The following PTPRD variants were observed in gnomAD, a reference collection of about 807,000 sequenced individuals.
The protein encoded by PTPRD is receptor-type tyrosine-protein phosphatase delta.
PTPRD carries 34 observed loss-of-function variants against 214.5 expected under a neutral mutation model. That is an observed-to-expected ratio of 0.16 (90% CI 0.12 to 0.21). The LOEUF (loss-of-function observed/expected upper bound fraction) is 0.21. Ranked by LOEUF, PTPRD falls within the 10% of genes least tolerant of loss-of-function variation. The pLI is 1.00. For synonymous variants in PTPRD, 1,128 were observed against 845.7 expected, an observed-to-expected ratio of 1.33 and a Z score of -5.79; for missense variants, 2,545 against 2,398.7, an observed-to-expected ratio of 1.06 and a Z score of -1.27.
intron 12 of PTPRD, among the ~76,000 whole-genome samples, chr9:8,679,743 T>C (rs911474063): frequency 2.0e-5 from 3 of 152,224 alleles, no homozygotes; most frequent in African/African-American, 7.2e-5. Flanking sequence ...CAAAGAAAGC[T>C]TTGTTCTCCA....
chr9:9,215,222 C>T (rs765186644), intron 9 of PTPRD, among the ~76,000 whole-genome samples: 1 of 152,140 alleles, frequency 6.6e-6, no homozygotes, highest in Non-Finnish European at 1.5e-5. Context: ...TCATGTGTCT[C>T]TTAATTGACT....
At position 9,921,976 on chromosome 9, in the gene PTPRD, G is replaced by C. The variant is rs146510044; in HGVS notation, c.-368+16531C>G. Reference sequence around the variant, plus strand: ...CAAGTCCAAGCAGTGTCGTTGTAAAGTCATACACTTAATCCCTGTGCCATA... The same window carrying C: ...CAAGTCCAAGCAGTGTCGTTGTAAACTCATACACTTAATCCCTGTGCCATA... On this transcript the variant is annotated intron_variant, in intron 5 of 45. Coordinates refer to ENST00000381196, the MANE Select transcript of PTPRD (RefSeq NM_002839.4). Among the ~76,000 whole-genome samples the C allele has an allele frequency of 2.9e-3, 436 of 152,208 alleles. 2 individuals carry two copies. The highest frequency in any genetic ancestry group is 9.9e-3 in the African/African-American group (410 of 41,544).
At chr9:9,602,626 A>G (rs184533312) in intron 7 of PTPRD, among the ~76,000 whole-genome samples, 74 of 152,120 alleles carry the variant, frequency 4.9e-4, no homozygotes, top group African/African-American at 1.8e-3. Flanking sequence ...ATACGTACCT[A>G]TCTTTTTTTC....
At chr9:8,895,872 T>A (rs906755027) in intron 11 of PTPRD, among the ~76,000 whole-genome samples, 3 of 152,208 alleles carry the variant, frequency 2.0e-5, no homozygotes, top group African/African-American at 7.2e-5. Context: ...GCATTTCTCT[T>A]CAGAGAGAAG....
intron 2 of PTPRD, among the ~76,000 whole-genome samples, chr9:10,436,774 G>A (rs1234606714): frequency 6.6e-6 from 1 of 151,616 alleles, no homozygotes; most frequent in East Asian, 1.9e-4. Context: ...ATACTGACAG[G>A]TTTTCTGTCC....
intron 9 of PTPRD, among the ~76,000 whole-genome samples, chr9:9,381,715 T>A (rs546848474): frequency 3.6e-5 from 3 of 82,996 alleles, no homozygotes; most frequent in Admixed American, 2.4e-4. Context: ...TTTGTTTTTG[T>A]TTTTTTTTGT....
chr9:9,269,405 G>A (rs962771646), intron 9 of PTPRD, among the ~76,000 whole-genome samples: 1 of 151,192 alleles, frequency 6.6e-6, no homozygotes, highest in South Asian at 2.1e-4. Context: ...ATTGTTGGTA[G>A]GAATGTAAAG....
At chr9:9,077,896 C>G (rs1278146860) in intron 10 of PTPRD, among the ~76,000 whole-genome samples, 2 of 151,974 alleles carry the variant, frequency 1.3e-5, no homozygotes, top group Non-Finnish European at 2.9e-5. Context: ...TGAATGAGCT[C>G]TAAAATAAAT....
intron 8 of PTPRD, among the ~76,000 whole-genome samples, chr9:9,399,380 G>A (rs2069242640): frequency 6.6e-6 from 1 of 151,900 alleles, no homozygotes; most frequent in African/African-American, 2.4e-5. Flanking sequence ...CATCATAGGA[G>A]GAACATGACC....
chr9:8,314,690 T>TAAAC lies in PTPRD; in HGVS notation c.*3180_*3183dup. The TAAAC allele has an allele frequency of 4.3e-6, 1 of 232,020 alleles. No individual in the cohort carries two copies. Among genetic ancestry groups the TAAAC allele is most frequent in the Admixed American group, 5.6e-5 (1 of 17,714 alleles). 14.4% of individuals were successfully genotyped at this position (232,020 alleles called of 1,614,324 possible). On this transcript the variant is annotated 3_prime_UTR_variant, in exon 46 of 46. Coordinates refer to ENST00000381196, the MANE Select transcript of PTPRD (RefSeq NM_002839.4). ...AAAGGACTTAAAGCAAAACCGAAAA[T>TAAAC]AAACAGGAAAGAAAAAAAATACGTG...
intron 9 of PTPRD, among the ~76,000 whole-genome samples, chr9:9,311,530 T>G (rs1187803528): frequency 6.6e-6 from 1 of 152,130 alleles, no homozygotes; most frequent in East Asian, 1.9e-4. Context: ...AACAGGATTC[T>G]CCCCAAAACC....
chr9:9,820,375 T>G (rs12552705), intron 5 of PTPRD, among the ~76,000 whole-genome samples: 2 of 152,170 alleles, frequency 1.3e-5, no homozygotes, highest in Non-Finnish European at 2.9e-5. Flanking sequence ...TTGTAGATTG[T>G]GAATATTAGG....
intron 35 of PTPRD, among the ~76,000 whole-genome samples, chr9:8,429,223 T>G (rs942971279): frequency 2.6e-5 from 4 of 151,784 alleles, no homozygotes; most frequent in African/African-American, 4.8e-5. Flanking sequence ...GTGAAACATT[T>G]AAGTGTTTAT....
intron 5 of PTPRD, among the ~76,000 whole-genome samples, chr9:9,830,802 C>T (rs1599033775): frequency 6.6e-6 from 1 of 151,822 alleles, no homozygotes; most frequent in South Asian, 2.1e-4. Context: ...AGCTGTGACC[C>T]CATTACAAAC....
At chr9:9,077,420 A>C (rs2099752903) in intron 10 of PTPRD, among the ~76,000 whole-genome samples, 1 of 152,088 alleles carries the variant, frequency 6.6e-6, no homozygotes, top group Non-Finnish European at 1.5e-5. Context: ...TCTATTTCCT[A>C]ATGTAGTAAG....
rs556716251 is a variant in PTPRD, at chr9:10,231,986, G to C, written c.-545+108977C>G. Reference sequence around the variant, plus strand: ...AGAGAGAGAGAGAGAGAGAGAGAGAGAGAGTGTGTGTGTGTGTGTGTGTGT... The same window carrying C: ...AGAGAGAGAGAGAGAGAGAGAGAGACAGAGTGTGTGTGTGTGTGTGTGTGT... On this transcript the variant is annotated intron_variant, in intron 3 of 45. Transcript: ENST00000381196. 1.6e-3 allele frequency among the ~76,000 whole-genome samples: 176 copies of C among 112,406 alleles called. 1 individual carries two copies. The highest frequency in any genetic ancestry group is 6.1e-3 in the South Asian group (19 of 3,138). 73.7% of individuals were successfully genotyped at this position (112,406 alleles called of 152,430 possible).
At chr9:9,085,652 T>C (rs553881933) in intron 10 of PTPRD, among the ~76,000 whole-genome samples, 24 of 141,958 alleles carry the variant, frequency 1.7e-4, no homozygotes, top group African/African-American at 6.3e-4. Flanking sequence ...GTTAATGCTC[T>C]TTTTTTTTTT....
intron 2 of PTPRD, among the ~76,000 whole-genome samples, chr9:10,388,762 T>C (rs1038553096): frequency 6.6e-6 from 1 of 151,788 alleles, no homozygotes; most frequent in Non-Finnish European, 1.5e-5. Context: ...TTTCTTCCTC[T>C]TTAAAAGTAA....
chr9:10,222,606 A>G (rs2099574975), intron 3 of PTPRD, among the ~76,000 whole-genome samples: 1 of 152,070 alleles, frequency 6.6e-6, no homozygotes, highest in South Asian at 2.1e-4. Flanking sequence ...ATATTGTATA[A>G]ATATCCTTAA....
Sources: allele counts gnomAD v4.1 joint callset (sites outside exome capture counted in the v4.1 genomes callset), GRCh38; gene constraint gnomAD v4.1.1; transcripts MANE v1.5; gene names NCBI Gene and HGNC (gene_info 2026-07-23, HGNC 2026-07-21).